PCDHGB5: variants seen among roughly 807,000 people sequenced by gnomAD.
The protein encoded by PCDHGB5 is protocadherin gamma subfamily B, 5, also known as protocadherin gamma-B5.
In PCDHGB5, 48 loss-of-function variants were observed where a neutral mutation model predicts 62.9. The observed-to-expected ratio is 0.76, with a 90% CI of 0.61 to 0.97. The LOEUF (loss-of-function observed/expected upper bound fraction) is 0.97. PCDHGB5 is among the 50% of genes least tolerant of loss of function. PCDHGB5 has a pLI of 0.00. For missense variants in PCDHGB5, 1,118 were observed against 1,198.6 expected, an observed-to-expected ratio of 0.93 and a Z score of 0.99; for synonymous variants, 474 against 511.2, an observed-to-expected ratio of 0.93 and a Z score of 0.98.
At chr5:141,410,776 A>G (rs2095422946) in intron 1 of PCDHGB5, 7 of 919,622 alleles carry the variant, frequency 7.6e-6, no homozygotes, top group South Asian at 4.0e-5. Context: ...AGTTTTCACT[A>G]TGTATTTGGT....
At chr5:141,413,248 G>C in intron 1 of PCDHGB5, 1 of 1,613,962 alleles carries the variant, frequency 6.2e-7, no homozygotes, top group Non-Finnish European at 8.5e-7. Context: ...CCTTTTCTTC[G>C]GGATTCCATG....
At chr5:141,413,417 T>C in intron 1 of PCDHGB5, 18 of 1,614,086 alleles carry the variant, frequency 1.1e-5, no homozygotes, top group Non-Finnish European at 1.5e-5. Context: ...CTTTTCTCTC[T>C]GAACCCGCGC....
In PCDHGB5 at chr5:141,491,357, T is replaced by C; in HGVS notation, c.2398-3450T>C. 6.2e-7 allele frequency: 1 copy of C among 1,614,144 alleles called. No homozygotes were observed. Among genetic ancestry groups the C allele is most frequent in the South Asian group, 1.1e-5 (1 of 91,080 alleles). On this transcript the variant is annotated intron_variant, in intron 1 of 3. Transcript: ENST00000617380. This position sits in a 1 kb window ranked among gnomAD's most constrained non-coding sequence, Gnocchi z 6.9. ...CTAGCGACCGTCAGTCTCTTATCCCTAGTCACCTTCACCTTTCTGTCAGCG... is the reference window on the plus strand; with the variant it reads ...CTAGCGACCGTCAGTCTCTTATCCCCAGTCACCTTCACCTTTCTGTCAGCG...
rs751717107 is a variant in PCDHGB5, at chr5:141,399,627, C to A, written c.1500C>A (p.Tyr500Ter). ...TAGAGCCTCTGGCACTGGCCTCTTACGTGTCCATGAGCGCGCAAAGTGGGG... is the reference window on the plus strand; with the variant it reads ...TAGAGCCTCTGGCACTGGCCTCTTAAGTGTCCATGAGCGCGCAAAGTGGGG... ...SDLEPLALASYVSMSAQSGVV... is the reference protein window; with the variant it reads ...SDLEPLALAS Residue 500 changes from tyrosine (Y) to a stop codon, truncating the protein, a stop_gained, in exon 1 of 4, where the codon TAC becomes TAA. Coordinates refer to ENST00000617380, the MANE Select transcript of PCDHGB5 (RefSeq NM_018925.3). LOFTEE classifies it high-confidence loss of function. The A allele has an allele frequency of 1.2e-5, 19 of 1,613,788 alleles. No homozygotes were observed. The highest frequency in any genetic ancestry group is 1.6e-5 in the Non-Finnish European group (19 of 1,179,894).
At chr5:141,471,252 T>C (rs1003162914) in intron 1 of PCDHGB5, 1 of 151,872 alleles carries the variant, frequency 6.6e-6, no homozygotes, top group Non-Finnish European at 1.5e-5. Flanking sequence ...GGTTTCACCA[T>C]GTTGGCAAGG....
At chr5:141,421,582 G>A (rs531591776) in intron 1 of PCDHGB5, 4 of 1,613,874 alleles carry the variant, frequency 2.5e-6, no homozygotes, top group Non-Finnish European at 2.5e-6. Flanking sequence ...GAAGATTTAC[G>A]GAGTGGAGGT....
chr5:141,400,415 T>C lies in PCDHGB5; in HGVS notation c.2288T>C (p.Leu763Pro), dbSNP rs1054517262. 16 of 1,614,080 alleles carry C rather than the reference T, an allele frequency of 9.9e-6. No homozygotes were observed. The highest frequency in any genetic ancestry group is 1.3e-5 in the Non-Finnish European group (15 of 1,179,906). ...ACAGGAAAGACGGAGTTTAATTTCCTAAAATGTAGTGAGCAATTGAGTTCA... is the reference window on the plus strand; with the variant it reads ...ACAGGAAAGACGGAGTTTAATTTCCCAAAATGTAGTGAGCAATTGAGTTCA... ...AHTGKTEFNFLKCSEQLSSGQ... is the reference protein window; with the variant it reads ...AHTGKTEFNFPKCSEQLSSGQ... The change falls in exon 1 of 4, where the codon CTA (leucine) becomes CCA (proline). Residue 763 changes from leucine (L) to proline (P), a missense_variant. Transcript: ENST00000617380.
At chr5:141,409,145 T>G (rs2095231039) in intron 1 of PCDHGB5, 1 of 1,613,884 alleles carries the variant, frequency 6.2e-7, no homozygotes, top group Non-Finnish European at 8.5e-7. Flanking sequence ...TGTAGAAAGG[T>G]ACACCATGGA....
intron 3 of PCDHGB5, among the ~76,000 whole-genome samples, chr5:141,505,976 A>G (rs911235674): frequency 1.3e-5 from 2 of 152,136 alleles, no homozygotes; most frequent in Admixed American, 1.3e-4. Context: ...CCCAGCCGAG[A>G]GAACACCTCC....
At chr5:141,440,155 A>C (rs1250255277) in intron 1 of PCDHGB5, 1 of 152,238 alleles carries the variant, frequency 6.6e-6, no homozygotes, top group Non-Finnish European at 1.5e-5. Flanking sequence ...CCCCAATTAT[A>C]GCTTGGGCCA....
At chr5:141,498,980 GGAAGGAA>G in intron 2 of PCDHGB5, among the ~76,000 whole-genome samples, 1 of 44,970 alleles carries the variant, frequency 2.2e-5, no homozygotes, top group South Asian at 1.0e-3. Context: ...AGGGAAGGAA[GGAAGGAA>G]GGAAGGAAGG....
At chr5:141,427,557 A>G (rs1437024906) in intron 1 of PCDHGB5, 1 of 650,060 alleles carries the variant, frequency 1.5e-6, no homozygotes, top group Non-Finnish European at 2.8e-6. Flanking sequence ...TGCCACTGAC[A>G]AGGGCAAGCC....
intron 1 of PCDHGB5, among the ~76,000 whole-genome samples, chr5:141,450,005 TC>T (rs2098662434): frequency 1.0e-5 from 1 of 99,604 alleles, no homozygotes; most frequent in Non-Finnish European, 1.8e-5. Flanking sequence ...TTGCCATGTC[TC>T]TTTTTTTTTT....
intron 1 of PCDHGB5, among the ~76,000 whole-genome samples, chr5:141,442,913 AACT>A (rs1163578304): frequency 6.6e-6 from 1 of 152,214 alleles, no homozygotes. Flanking sequence ...TTCAGCACAC[AACT>A]GTTTCATTTT....
At chr5:141,452,781 A>G (rs575869415) in intron 1 of PCDHGB5, among the ~76,000 whole-genome samples, 10 of 152,302 alleles carry the variant, frequency 6.6e-5, no homozygotes, top group African/African-American at 2.4e-4. Flanking sequence ...CTGAGAAAGT[A>G]ACATACCATC....
At chr5:141,470,862 G>T (rs1363111218) in intron 1 of PCDHGB5, among the ~76,000 whole-genome samples, 1 of 151,596 alleles carries the variant, frequency 6.6e-6, no homozygotes, top group Non-Finnish European at 1.5e-5. Context: ...TAAGTTTTTT[G>T]TTTGTTTGTT....
chr5:141,453,144 C>T lies in PCDHGB5; in HGVS notation c.2398-41663C>T, dbSNP rs530175947. ...TTGTTTTGTTTTTGAGATAGGGTCT[C>T]GCTATGTCACCCAGGCTGGAGTCCA... On this transcript the variant is annotated intron_variant, in intron 1 of 3. Transcript: ENST00000617380. Among the ~76,000 whole-genome samples, 290 of 152,062 alleles carry T rather than the reference C, an allele frequency of 1.9e-3. 1 individual carries two copies. The highest frequency in any genetic ancestry group is 6.3e-3 in the African/African-American group (260 of 41,478).
intron 1 of PCDHGB5, among the ~76,000 whole-genome samples, chr5:141,454,796 A>ATTTTTTTTTTTTTTTTTTTTTT (rs61612330): frequency 5.2e-5 from 4 of 77,456 alleles, no homozygotes; most frequent in Non-Finnish European, 7.0e-5. Context: ...CATGGTTCTA[A>ATTTTTTTTTTTTTTTTTTTTTT]TTTTTTTTTT....
intron 1 of PCDHGB5, chr5:141,418,214 G>A: frequency 6.2e-7 from 1 of 1,614,064 alleles, no homozygotes; most frequent in Non-Finnish European, 8.5e-7. Flanking sequence ...TATTTTTCAT[G>A]TCATTGTGGT....
Sources: allele counts gnomAD v4.1 joint callset (sites outside exome capture counted in the v4.1 genomes callset), GRCh38; gene constraint gnomAD v4.1.1; non-coding constraint Gnocchi (gnomAD v3.1); transcripts MANE v1.5; gene names NCBI Gene and HGNC (gene_info 2026-07-23, HGNC 2026-07-21).